CASP9: variants seen among roughly 807,000 people sequenced by gnomAD.
CASP9 encodes the protein caspase-9.
CASP9 carries 29 observed loss-of-function variants against 43.5 expected under a neutral mutation model. That is an observed-to-expected ratio of 0.67 (90% CI 0.50 to 0.91). The LOEUF is 0.91. Ranked by LOEUF, CASP9 falls within the 40% of genes least tolerant of loss-of-function variation. CASP9 has a pLI of 0.00. For synonymous variants in CASP9, 206 were observed against 211.9 expected (o/e 0.97, Z 0.24); for missense variants, 575 against 537.4 (o/e 1.07, Z -0.69).
At chr1:15,511,168 G>C (rs922890955) in intron 2 of CASP9, among the ~76,000 whole-genome samples, 1 of 152,238 alleles carries the variant, frequency 6.6e-6, no homozygotes, top group Non-Finnish European at 1.5e-5. Context: ...AGGGTAAGGA[G>C]TTTATATGAG....
At chr1:15,524,310 G>A, upstream of CASP9, 8 of 1,388,706 alleles carry the variant, frequency 5.8e-6, no homozygotes, top group Admixed American at 3.6e-5. Context: ...CCCGCGTCAC[G>A]GCCCCGGGTC....
In CASP9 at chr1:15,491,528, C is replaced by A. The variant is rs1303834484; in HGVS notation, c.*1415G>T. On this transcript the variant is annotated 3_prime_UTR_variant, in exon 9 of 9. Coordinates refer to ENST00000333868, the MANE Select transcript of CASP9 (RefSeq NM_001229.5). ...ACCCCTGCACTTTGGGAGGCTAAGG[C>A]AGGCTGATCGCTTGAGTCCAGGAGT... The A allele has an allele frequency of 5.3e-6, 3 of 568,056 alleles. No homozygotes were observed. In the African/African-American group the frequency reaches 5.7e-5, roughly 11 times the overall value. The allele number at this position is 568,056 out of a possible 1,614,324, so 35.2% of individuals were successfully genotyped here.
chr1:15,493,838 C>T, intron 8 of CASP9, 54 bp downstream of exon 8: 1 of 1,550,156 alleles, frequency 6.5e-7, no homozygotes, highest in Non-Finnish European at 8.7e-7. Context: ...CCCAGGAGGA[C>T]ACGCTGCCCC....
intron 6 of CASP9, among the ~76,000 whole-genome samples, chr1:15,499,649 G>A (rs981103971): frequency 4.6e-5 from 7 of 152,270 alleles, no homozygotes; most frequent in Admixed American, 2.0e-4. Flanking sequence ...CTAAATGGCC[G>A]ACATTAGGAA....
At chr1:15,512,037 G>C (rs553105785) in intron 2 of CASP9, among the ~76,000 whole-genome samples, 5 of 152,206 alleles carry the variant, frequency 3.3e-5, no homozygotes, top group Admixed American at 6.5e-5. Flanking sequence ...CAGCACAGAA[G>C]TACTGGCACA....
At chr1:15,505,448 A>T (rs1709481490) in intron 5 of CASP9, among the ~76,000 whole-genome samples, 1 of 152,212 alleles carries the variant, frequency 6.6e-6, no homozygotes, top group African/African-American at 2.4e-5. Context: ...GAAATTTGCC[A>T]GTTTTCAAAA....
chr1:15,516,610 G>A (rs1709960207), intron 2 of CASP9, among the ~76,000 whole-genome samples: 1 of 152,106 alleles, frequency 6.6e-6, no homozygotes, highest in African/African-American at 2.4e-5. Flanking sequence ...CAAGTAGCTT[G>A]TCCTACAGGC....
intron 6 of CASP9, among the ~76,000 whole-genome samples, chr1:15,500,084 C>T (rs934292472): frequency 6.6e-6 from 1 of 151,104 alleles, no homozygotes; most frequent in Non-Finnish European, 1.5e-5. Flanking sequence ...GCACAGAGGG[C>T]TACTCAGGAA....
upstream of CASP9, chr1:15,524,630 C>G: frequency 9.6e-7 from 1 of 1,039,510 alleles, no homozygotes; most frequent in Non-Finnish European, 1.2e-6. Flanking sequence ...CCGCAGGACG[C>G]ATCTCCAACG....
Position 15,507,076 on chromosome 1 carries a change from C to T in CASP9, c.454-1G>A. On this transcript the variant is annotated splice_acceptor_variant, in intron 3 of 8. Coordinates refer to ENST00000333868, the MANE Select transcript of CASP9 (RefSeq NM_001229.5). LOFTEE classifies it high-confidence loss of function. ...AGGGCTCCATGCTCAGGATGTAAGC[C>T]TGCCAGCACAGGGACCCACGTAAAC... 1 of 1,613,772 alleles carries T rather than the reference C, an allele frequency of 6.2e-7. No individual in the cohort carries two copies. The highest frequency in any genetic ancestry group is 8.5e-7 in the Non-Finnish European group (1 of 1,179,702).
At chr1:15,512,670 T>C (rs529537873) in intron 2 of CASP9, among the ~76,000 whole-genome samples, 1 of 152,034 alleles carries the variant, frequency 6.6e-6, no homozygotes, top group African/African-American at 2.4e-5. Context: ...TAGATAAAGA[T>C]ATATATATAT....
chr1:15,504,871 G>A (rs1709459992), intron 5 of CASP9, 113 bp from the exon 6 acceptor site: 7 of 991,818 alleles, frequency 7.1e-6, no homozygotes, highest in South Asian at 4.8e-5. Flanking sequence ...CCAGGGGCAC[G>A]AGGCTGATTG....
At chr1:15,497,665 A>T (rs568247509) in intron 6 of CASP9, among the ~76,000 whole-genome samples, 3,319 of 137,608 alleles carry the variant, frequency 0.024, 126 homozygotes, top group African/African-American at 0.084. Flanking sequence ...AAAAGATATA[A>T]ATAAATGGAA....
At chr1:15,511,131 C>G (rs1287291583) in intron 2 of CASP9, among the ~76,000 whole-genome samples, 1 of 152,156 alleles carries the variant, frequency 6.6e-6, no homozygotes, top group Non-Finnish European at 1.5e-5. Context: ...AGGTGTCTAC[C>G]TAGGTTTGGT....
At chr1:15,513,581 G>A (rs749296415) in intron 2 of CASP9, among the ~76,000 whole-genome samples, 12 of 152,210 alleles carry the variant, frequency 7.9e-5, no homozygotes, top group Admixed American at 2.0e-4. Flanking sequence ...ACCCACAGCC[G>A]TGAATAAAGA....
chr1:15,495,376 A>C lies in CASP9; in HGVS notation c.945T>G (p.Asp315Glu). 6.2e-7 allele frequency: 1 copy of C among 1,609,492 alleles called. No individual in the cohort carries two copies. The highest frequency in any genetic ancestry group is 8.5e-7 in the Non-Finnish European group (1 of 1,178,192). Reference sequence around the variant, plus strand: ...TCAAACCTTCCTGGAACGGGGTGGCATCTGGCTCGGGGTTACTGCCAGGGG... The same window carrying C: ...TCAAACCTTCCTGGAACGGGGTGGCCTCTGGCTCGGGGTTACTGCCAGGGG... ...DESPGSNPEPDATPFQEGLRT... is the reference protein window; with the variant it reads ...DESPGSNPEPEATPFQEGLRT... Residue 315 changes from aspartate to glutamate, a missense_variant, in exon 7 of 9, where the codon GAT becomes GAG. Coordinates refer to ENST00000333868, the MANE Select transcript of CASP9 (RefSeq NM_001229.5).
rs778852715 is a variant in CASP9 at position 15,507,925 on chromosome 1, G to A, written c.419-18C>T. On this transcript the variant is annotated intron_variant, in intron 2 of 8. Coordinates refer to ENST00000333868, the MANE Select transcript of CASP9 (RefSeq NM_001229.5). ...AAGAGCACCTGAAGAGGCAGAGAAA[G>A]AGAGAAACATGAATGTTGGGTTACA... The A allele has an allele frequency of 1.2e-6, 2 of 1,613,922 alleles. No homozygotes were observed. Among genetic ancestry groups the A allele is most frequent in the Non-Finnish European group, 1.7e-6 (2 of 1,179,902 alleles).
chr1:15,493,421 T>A, intron 8 of CASP9: 1 of 1,241,148 alleles, frequency 8.1e-7, no homozygotes, highest in Non-Finnish European at 1.0e-6. Context: ...TTCTATGGAG[T>A]AGGACTGGGC....
chr1:15,523,694 GCAAAC>G (rs1409948898), intron 1 of CASP9, among the ~76,000 whole-genome samples: 1 of 151,868 alleles, frequency 6.6e-6, no homozygotes. Flanking sequence ...TTTTGTAACT[GCAAAC>G]CAATCAAATA....
Sources: allele counts gnomAD v4.1 joint callset (sites outside exome capture counted in the v4.1 genomes callset), GRCh38; gene constraint gnomAD v4.1.1; transcripts MANE v1.5; gene names NCBI Gene and HGNC (gene_info 2026-07-23, HGNC 2026-07-21).